The following MPPED2 variants were observed in gnomAD, a reference collection of about 807,000 sequenced individuals.
The protein encoded by MPPED2 is metallophosphoesterase domain containing 2.
MPPED2 carries 5 observed loss-of-function variants against 33.0 expected under a neutral mutation model. The ratio of observed to expected loss-of-function variants is 0.15; its 90% CI spans 0.08 to 0.32. The LOEUF (loss-of-function observed/expected upper bound fraction) is 0.32, where lower values mean the gene tolerates loss of function less well. MPPED2 is among the 10% of genes least tolerant of loss of function. MPPED2 has a pLI of 1.00. For missense variants in MPPED2, 275 were observed against 372.1 expected (o/e 0.74, Z 2.15); for synonymous variants, 136 against 141.9 (o/e 0.96, Z 0.29).
Position 30,423,306 on chromosome 11 carries a change from C to T in MPPED2, c.537-5673G>A, listed in dbSNP as rs1194596323. On this transcript the variant is annotated intron_variant, in intron 4 of 6. Coordinates refer to ENST00000358117, the MANE Select transcript of MPPED2 (RefSeq NM_001584.3). ...TCACAGCCCTGGTGTTACAAATCAA[C>T]GTCCACAAATTTTCAATGCACAGAC... is the stretch of plus-strand genomic sequence containing the variant. Among the ~76,000 whole-genome samples the T allele has an allele frequency of 3.3e-5, 5 of 152,302 alleles. No homozygotes were observed. In the East Asian group the frequency reaches 7.7e-4, roughly 24 times the overall value.
At chr11:30,422,503 A>G (rs1948655155) in intron 4 of MPPED2, among the ~76,000 whole-genome samples, 1 of 152,196 alleles carries the variant, frequency 6.6e-6, no homozygotes, top group Non-Finnish European at 1.5e-5. Flanking sequence ...TGTCAGTGCC[A>G]ATGAATAATG....
intron 4 of MPPED2, 162 bp downstream of exon 4, chr11:30,495,134 G>A: frequency 1.6e-6 from 1 of 617,882 alleles, no homozygotes; most frequent in South Asian, 2.0e-5. Flanking sequence ...AAAACAACAA[G>A]TGTTGCATTT....
intron 4 of MPPED2, among the ~76,000 whole-genome samples, chr11:30,443,174 A>G (rs1949658907): frequency 6.6e-6 from 1 of 152,124 alleles, no homozygotes; most frequent in African/African-American, 2.4e-5. Flanking sequence ...GGGAAATGCT[A>G]CTTTAAAAAA....
intron 2 of MPPED2, among the ~76,000 whole-genome samples, chr11:30,569,580 C>T (rs1357061282): frequency 6.6e-6 from 1 of 151,998 alleles, no homozygotes; most frequent in African/African-American, 2.4e-5. Flanking sequence ...GGTAAGTCTC[C>T]CAGATACTAA....
intron 2 of MPPED2, among the ~76,000 whole-genome samples, chr11:30,540,091 G>T (rs1418899775): frequency 6.6e-6 from 1 of 152,198 alleles, no homozygotes; most frequent in African/African-American, 2.4e-5. Context: ...GGAACCTGAA[G>T]ACTAAGTAAC....
At chr11:30,510,803 G>A (rs1473652328) in intron 3 of MPPED2, among the ~76,000 whole-genome samples, 2 of 152,082 alleles carry the variant, frequency 1.3e-5, no homozygotes, top group Non-Finnish European at 2.9e-5. Context: ...ATTTTTGCAG[G>A]GCTTAACTTA....
chr11:30,468,477 T>C (rs527526659), intron 4 of MPPED2, among the ~76,000 whole-genome samples: 4 of 152,192 alleles, frequency 2.6e-5, no homozygotes, highest in Admixed American at 1.3e-4. Flanking sequence ...GATAACTTTT[T>C]GATGATGACT....
At chr11:30,560,155 T>C (rs957515797) in intron 2 of MPPED2, among the ~76,000 whole-genome samples, 4 of 152,218 alleles carry the variant, frequency 2.6e-5, no homozygotes, top group African/African-American at 9.6e-5. Flanking sequence ...TTGAAGTCAG[T>C]AATTATTTTT....
At chr11:30,423,904 T>C (rs1266801144) in intron 4 of MPPED2, among the ~76,000 whole-genome samples, 1 of 152,210 alleles carries the variant, frequency 6.6e-6, no homozygotes, top group East Asian at 1.9e-4. Context: ...CTCCAGACTT[T>C]TGAAAGTCCC....
chr11:30,400,160 C>A (rs1267362334), intron 6 of MPPED2, among the ~76,000 whole-genome samples: 1 of 152,150 alleles, frequency 6.6e-6, no homozygotes, highest in Non-Finnish European at 1.5e-5. Flanking sequence ...TTCACTGTAA[C>A]CTCAAGCTCC....
intron 2 of MPPED2, among the ~76,000 whole-genome samples, chr11:30,577,993 T>C (rs1957002703): frequency 6.6e-6 from 1 of 152,078 alleles, no homozygotes; most frequent in African/African-American, 2.4e-5. Flanking sequence ...GGCAGATAGA[T>C]AGATACAGAT....
At chr11:30,473,974 C>A (rs1054619818) in intron 4 of MPPED2, among the ~76,000 whole-genome samples, 6 of 152,208 alleles carry the variant, frequency 3.9e-5, no homozygotes, top group Non-Finnish European at 7.3e-5. Flanking sequence ...TGGACGACAT[C>A]TTCATTACTG....
rs144904388 is a variant in MPPED2 at position 30,533,740 on chromosome 11, T to C, written c.310+2254A>G. 9.1e-3 allele frequency among the ~76,000 whole-genome samples: 1,393 copies of C among 152,270 alleles called. 21 individuals are homozygous for C. Among genetic ancestry groups the C allele is most frequent in the Non-Finnish European group, 9.8e-3 (666 of 68,012 alleles). On this transcript the variant is annotated intron_variant, in intron 3 of 6. Coordinates refer to ENST00000358117, the MANE Select transcript of MPPED2 (RefSeq NM_001584.3). ...CTTCGATCTCACATTCTGCAACCCA[T>C]GCTGAAACCTCTTCCTCCTGTCTCA...
intron 4 of MPPED2, among the ~76,000 whole-genome samples, chr11:30,427,011 AACAGG>A (rs1184142770): frequency 7.2e-5 from 11 of 152,222 alleles, no homozygotes; most frequent in Non-Finnish European, 1.0e-4. Flanking sequence ...GCACAGGACG[AACAGG>A]ACAGGGGAGG....
At position 30,477,996 on chromosome 11, in the gene MPPED2, G is replaced by A. The variant is rs926995633; in HGVS notation, c.536+17300C>T. Among the ~76,000 whole-genome samples, 9 of 151,888 alleles carry A rather than the reference G, an allele frequency of 5.9e-5. No homozygotes were observed. The South Asian group carries it at 6.2e-4, about 11-fold the overall frequency. ...TGTGGTGGCTCTGGTTACTCTGAGC[G>A]TTTTCAAATGGTTTCTCCTGCCCAA... On this transcript the variant is annotated intron_variant, in intron 4 of 6. Transcript: ENST00000358117.
Position 30,535,993 on chromosome 11 carries a change from C to T in MPPED2, c.310+1G>A. The T allele has an allele frequency of 6.3e-7, 1 of 1,599,994 alleles. No individual in the cohort carries two copies. The highest frequency in any genetic ancestry group is 8.5e-7 in the Non-Finnish European group (1 of 1,174,296). ...GCCGCCAGAACGCAATCATTCCTTA[C>T]CTAACCAGTCATTAAACTTCTTAAC... is the stretch of plus-strand genomic sequence containing the variant. On this transcript the variant is annotated splice_donor_variant, in intron 3 of 6. Coordinates refer to ENST00000358117, the MANE Select transcript of MPPED2 (RefSeq NM_001584.3). LOFTEE classifies it high-confidence loss of function.
At chr11:30,525,139 A>G (rs992890698) in intron 3 of MPPED2, among the ~76,000 whole-genome samples, 1 of 152,218 alleles carries the variant, frequency 6.6e-6, no homozygotes, top group African/African-American at 2.4e-5. Context: ...TAGCTGCCTC[A>G]TTTACAAAAT....
intron 2 of MPPED2, among the ~76,000 whole-genome samples, chr11:30,541,751 C>G (rs1370854494): frequency 6.6e-6 from 1 of 152,132 alleles, no homozygotes; most frequent in Non-Finnish European, 1.5e-5. Context: ...CGCCACCACG[C>G]CTGGCTAATT....
At chr11:30,476,534 CTG>C (rs1366963245) in intron 4 of MPPED2, among the ~76,000 whole-genome samples, 2 of 151,932 alleles carry the variant, frequency 1.3e-5, no homozygotes, top group Non-Finnish European at 2.9e-5. Flanking sequence ...TGCCTTGAAA[CTG>C]TGCCAAATTC....
Sources: gnomAD v4.1 joint callset for allele counts (sites outside exome capture counted in the v4.1 genomes callset) on GRCh38, gnomAD v4.1.1 for gene constraint, MANE v1.5 for transcripts, NCBI Gene and HGNC (gene_info 2026-07-23, HGNC 2026-07-21) for gene names.